The following AGAP1 variants were observed in gnomAD, a reference collection of about 807,000 sequenced individuals.
AGAP1 encodes arf-GAP with GTPase, ANK repeat and PH domain-containing protein 1.
AGAP1 carries 29 observed loss-of-function variants against 105.3 expected under a neutral mutation model. The ratio of observed to expected loss-of-function variants is 0.28; its 90% CI spans 0.21 to 0.38. AGAP1 has a LOEUF of 0.38. Ranked by LOEUF, AGAP1 falls within the 10% of genes least tolerant of loss-of-function variation. The pLI, the probability that AGAP1 is intolerant of heterozygous loss-of-function variation, is 1.00. For synonymous variants in AGAP1, 509 were observed against 485.9 expected (o/e 1.05, Z -0.63); for missense variants, 998 against 1,165.1 (o/e 0.86, Z 2.09).
chr2:235,607,060 G>T (rs1290930548), intron 1 of AGAP1, among the ~76,000 whole-genome samples: 1 of 152,018 alleles, frequency 6.6e-6, no homozygotes, highest in African/African-American at 2.4e-5. Flanking sequence ...AGAAAAATGG[G>T]TATTAAATTA....
Position 235,714,226 on chromosome 2 carries a change from G to T in AGAP1, c.223-3331G>T, listed in dbSNP as rs975153449. On this transcript the variant is annotated intron_variant, in intron 2 of 17. Coordinates refer to ENST00000304032, the MANE Select transcript of AGAP1 (RefSeq NM_001037131.3). This position sits in a 1 kb window ranked among gnomAD's most constrained non-coding sequence, Gnocchi z 4.1. ...AGACAGGGTTTCACCATGTTGGCCAGTCTGGTCTTGAACTCCTGACCTCAG... is the reference window on the plus strand; with the variant it reads ...AGACAGGGTTTCACCATGTTGGCCATTCTGGTCTTGAACTCCTGACCTCAG... 3.6e-4 allele frequency among the ~76,000 whole-genome samples: 55 copies of T among 152,082 alleles called. No homozygotes were observed. Among genetic ancestry groups the T allele is most frequent in the African/African-American group, 1.3e-3 (55 of 41,496 alleles).
At chr2:235,924,292 C>T (rs2052338292) in intron 11 of AGAP1, among the ~76,000 whole-genome samples, 1 of 152,186 alleles carries the variant, frequency 6.6e-6, no homozygotes, top group African/African-American at 2.4e-5. Flanking sequence ...CTCTCCTGTA[C>T]CTTCCAGCAG....
At chr2:235,685,899 A>G (rs1276129284) in intron 1 of AGAP1, among the ~76,000 whole-genome samples, 1 of 152,158 alleles carries the variant, frequency 6.6e-6, no homozygotes, top group Non-Finnish European at 1.5e-5. Flanking sequence ...CAATCAATAC[A>G]TGTAAAATAA....
Position 235,865,634 on chromosome 2 carries a change from C to T in AGAP1, c.1051-17711C>T, listed in dbSNP as rs2049131945. ...TGTACAGAAGGAGCTGCAGAAAAGC[C>T]TCCATTTGTAAAATAATAGGTGCTC... is the stretch of plus-strand genomic sequence containing the variant. On this transcript the variant is annotated intron_variant, in intron 9 of 17. Transcript: ENST00000304032. This position sits in a 1 kb window ranked among gnomAD's most constrained non-coding sequence, Gnocchi z 6.2. Among the ~76,000 whole-genome samples, 1 of 152,094 alleles carries T rather than the reference C, an allele frequency of 6.6e-6. No homozygotes were observed. The highest frequency in any genetic ancestry group is 6.5e-5 in the Admixed American group (1 of 15,280).
rs2057721195 is a variant in AGAP1, at chr2:236,046,476, G to C, written c.1892-2583G>C. Among the ~76,000 whole-genome samples, 2 of 152,218 alleles carry C rather than the reference G, an allele frequency of 1.3e-5. No homozygotes were observed. The highest frequency in any genetic ancestry group is 2.9e-5 in the Non-Finnish European group (2 of 68,042). On this transcript the variant is annotated intron_variant, in intron 15 of 17. Coordinates refer to ENST00000304032, the MANE Select transcript of AGAP1 (RefSeq NM_001037131.3). This position sits in a 1 kb window ranked among gnomAD's most constrained non-coding sequence, Gnocchi z 5.2. Reference sequence around the variant, plus strand: ...ACTTATGAGAGGTTGAGAACCTTGTGATTGGCTGTGGGAATGATGGAAGAA... The same window carrying C: ...ACTTATGAGAGGTTGAGAACCTTGTCATTGGCTGTGGGAATGATGGAAGAA...
intron 10 of AGAP1, among the ~76,000 whole-genome samples, chr2:235,890,075 G>T (rs941100618): frequency 6.6e-6 from 1 of 151,978 alleles, no homozygotes; most frequent in African/African-American, 2.4e-5. Flanking sequence ...GGATGATGGG[G>T]TCCCTGCACT....
At chr2:236,075,589 G>C (rs951508955) in intron 16 of AGAP1, among the ~76,000 whole-genome samples, 7 of 152,108 alleles carry the variant, frequency 4.6e-5, no homozygotes, top group Middle Eastern at 3.2e-3. Flanking sequence ...GGGTCTTTCA[G>C]CACTGGAAAT....
rs530958401 is a variant in AGAP1 at position 235,975,397 on chromosome 2, A to G, written c.1645+6774A>G. Among the ~76,000 whole-genome samples, 33 of 152,284 alleles carry G rather than the reference A, an allele frequency of 2.2e-4. 1 individual carries two copies. The South Asian group carries it at 6.6e-3, about 31-fold the overall frequency. ...GTGGGTGCGTGGAAGCTCTCAGTTA[A>G]TCTGTAACCATCCGGTTAGATGGAC... On this transcript the variant is annotated intron_variant, in intron 13 of 17. Transcript: ENST00000304032.
chr2:235,623,692 C>T lies in AGAP1; in HGVS notation c.164-85487C>T, dbSNP rs1311019940. The stretch of plus-strand genomic sequence containing the variant: ...TTTTTTGACTTTTGGATCTTCACTC[C>T]TCCCCTCATTTTGGACATTTTCTCA... On this transcript the variant is annotated intron_variant, in intron 1 of 17. Transcript: ENST00000304032. The surrounding 1 kb of genome is among the most constrained non-coding windows in gnomAD (Gnocchi z 4.5). Among the ~76,000 whole-genome samples the T allele has an allele frequency of 1.3e-5, 2 of 152,152 alleles. No individual in the cohort carries two copies. The highest frequency in any genetic ancestry group is 4.8e-5 in the African/African-American group (2 of 41,426).
chr2:235,768,931 A>G (rs554433395), intron 6 of AGAP1, among the ~76,000 whole-genome samples: 1 of 152,202 alleles, frequency 6.6e-6, no homozygotes, highest in Admixed American at 6.5e-5. Flanking sequence ...GCCGAAATAC[A>G]GTTTGAAAAA....
intron 5 of AGAP1, among the ~76,000 whole-genome samples, chr2:235,745,461 A>T (rs1952854720): frequency 6.6e-6 from 1 of 152,180 alleles, no homozygotes. Flanking sequence ...CTCGCTCTTG[A>T]TCACAGACCT....
At position 235,599,234 on chromosome 2, in the gene AGAP1, A is replaced by C. The variant is rs1312307002; in HGVS notation, c.163+104385A>C. 6.6e-6 allele frequency among the ~76,000 whole-genome samples: 1 copy of C among 152,068 alleles called. No homozygotes were observed. Among genetic ancestry groups the C allele is most frequent in the African/African-American group, 2.4e-5 (1 of 41,406 alleles). ...TTCCACGAATGCTGCGAGAACCCAC[A>C]CAGCTGTTCATTTCGGTGGCCGAGG... On this transcript the variant is annotated intron_variant, in intron 1 of 17. Coordinates refer to ENST00000304032, the MANE Select transcript of AGAP1 (RefSeq NM_001037131.3). This position sits in a 1 kb window ranked among gnomAD's most constrained non-coding sequence, Gnocchi z 5.3.
intron 6 of AGAP1, among the ~76,000 whole-genome samples, chr2:235,758,286 A>C (rs1159525005): frequency 6.6e-6 from 1 of 152,138 alleles, no homozygotes; most frequent in African/African-American, 2.4e-5. Context: ...TTAATTGTCC[A>C]TTTTTTAATC....
At chr2:236,052,730 TATTAA>T (rs1473050180) in intron 16 of AGAP1, among the ~76,000 whole-genome samples, 2 of 152,200 alleles carry the variant, frequency 1.3e-5, no homozygotes, top group Non-Finnish European at 2.9e-5. Flanking sequence ...GTGCATTCGA[TATTAA>T]ATTTATTGTC....
At chr2:235,948,597 T>C (rs1027970080) in intron 12 of AGAP1, among the ~76,000 whole-genome samples, 15 of 152,216 alleles carry the variant, frequency 9.9e-5, no homozygotes, top group African/African-American at 1.4e-4. Flanking sequence ...TAGGGATGTT[T>C]AGTTTGAAAC....
chr2:235,855,793 G>A lies in AGAP1; in HGVS notation c.1051-27552G>A, dbSNP rs1209210364. 6.6e-6 allele frequency among the ~76,000 whole-genome samples: 1 copy of A among 152,182 alleles called. No homozygotes were observed. Among genetic ancestry groups the A allele is most frequent in the Non-Finnish European group, 1.5e-5 (1 of 68,034 alleles). ...GGGTGATTGGGGACACGTCCTTGAG[G>A]CTCATGCCTTAGAGGAAATGCCTTG... On this transcript the variant is annotated intron_variant, in intron 9 of 17. Transcript: ENST00000304032. This position sits in a 1 kb window ranked among gnomAD's most constrained non-coding sequence, Gnocchi z 5.0.
In AGAP1 at chr2:235,723,704, T is replaced by TG. The variant is rs749193067; in HGVS notation, c.310+6062dup. ...GGCACACCTGAGGAGGGCAGAAAGG[T>TG]GGCCCCACAAGCTTCCCAAGATGAA... On this transcript the variant is annotated intron_variant, in intron 3 of 17. Transcript: ENST00000304032. This position sits in a 1 kb window ranked among gnomAD's most constrained non-coding sequence, Gnocchi z 6.2. 6.6e-6 allele frequency among the ~76,000 whole-genome samples: 1 copy of TG among 152,110 alleles called. No individual in the cohort carries two copies. The highest frequency in any genetic ancestry group is 1.5e-5 in the Non-Finnish European group (1 of 68,012).
rs1297509786 is a variant in AGAP1 at position 235,737,230 on chromosome 2, A to G, written c.311-3733A>G. Among the ~76,000 whole-genome samples, 6 of 152,226 alleles carry G rather than the reference A, an allele frequency of 3.9e-5. No individual in the cohort carries two copies. The highest frequency in any genetic ancestry group is 2.6e-4 in the Admixed American group (4 of 15,286). On this transcript the variant is annotated intron_variant, in intron 3 of 17. Coordinates refer to ENST00000304032, the MANE Select transcript of AGAP1 (RefSeq NM_001037131.3). The surrounding 1 kb of genome is among the most constrained non-coding windows in gnomAD (Gnocchi z 4.5). ...ATTATTCACCTTTGAGTTCGTGGCA[A>G]ATACTTAGCAGTATTTAATTTTTGC...
In AGAP1 at chr2:236,128,796, A is replaced by C. The variant is rs1280673535; in HGVS notation, c.*4674A>C. 6.6e-6 allele frequency: 1 copy of C among 152,172 alleles called. No individual in the cohort carries two copies. Among genetic ancestry groups the C allele is most frequent in the Non-Finnish European group, 1.5e-5 (1 of 68,028 alleles). 9.4% of individuals were successfully genotyped at this position (152,172 alleles called of 1,614,324 possible). ...AGGCCTCAGCAACTACTCAGGAGGC[A>C]AAGGTGTTTGGAAAGCAAACCCCAA... On this transcript the variant is annotated 3_prime_UTR_variant, in exon 18 of 18. Transcript: ENST00000304032. This position sits in a 1 kb window ranked among gnomAD's most constrained non-coding sequence, Gnocchi z 5.9.
Sources: gnomAD v4.1 joint callset for allele counts (sites outside exome capture counted in the v4.1 genomes callset) on GRCh38, gnomAD v4.1.1 for gene constraint, Gnocchi (gnomAD v3.1) non-coding constraint, MANE v1.5 for transcripts, NCBI Gene and HGNC (gene_info 2026-07-23, HGNC 2026-07-21) for gene names.